Variants in C1QL1 observed in about 807,000 individuals in gnomAD.
C1QL1 encodes C1q-related factor.
A neutral mutation model predicts 14.2 loss-of-function variants in C1QL1; 15 were observed. That is an observed-to-expected ratio of 1.06 (90% CI 0.71 to 1.62). The LOEUF is 1.62. C1QL1 is among the 40% of genes most tolerant of loss of function. The pLI, the probability that C1QL1 is intolerant of heterozygous loss-of-function variation, is 0.00. For synonymous variants in C1QL1, 172 were observed against 172.4 expected, an observed-to-expected ratio of 1.00 and a Z score of 0.02; for missense variants, 346 against 380.3, an observed-to-expected ratio of 0.91 and a Z score of 0.75.
chr17:44,966,384 C>T (rs2052657322), intron 1 of C1QL1, among the ~76,000 whole-genome samples: 1 of 152,218 alleles, frequency 6.6e-6, no homozygotes, highest in Non-Finnish European at 1.5e-5. Context: ...GAGATTCCTT[C>T]TCAACTTCCA....
At chr17:44,964,352 T>C (rs998641681) in intron 1 of C1QL1, among the ~76,000 whole-genome samples, 2 of 152,228 alleles carry the variant, frequency 1.3e-5, no homozygotes, top group African/African-American at 4.8e-5. Context: ...TTTTTTTCTC[T>C]GCTTATTTAA....
intron 1 of C1QL1, among the ~76,000 whole-genome samples, chr17:44,962,796 T>C (rs1463653296): frequency 2.6e-5 from 4 of 152,226 alleles, no homozygotes; most frequent in East Asian, 1.9e-4. Context: ...GCCAAATCCA[T>C]TGGAACAGAG....
In C1QL1 at chr17:44,967,668, C is replaced by CGTAGAA; in HGVS notation, c.380_381insTTCTAC (p.Val127_Pro128insSerThr). ...GGCCGGCGTAGAAGGCCACGCGCGG[C>CGTAGAA]ACCGTGGTGTAGGTGGCAGTGCTGA... On this transcript the variant is annotated inframe_insertion, in exon 1 of 2. Transcript: ENST00000253407. This position sits in a 1 kb window ranked among gnomAD's most constrained non-coding sequence, Gnocchi z 7.0. 2 of 1,613,232 alleles carry CGTAGAA rather than the reference C, an allele frequency of 1.2e-6. No individual in the cohort carries two copies. The highest frequency in any genetic ancestry group is 1.7e-6 in the Non-Finnish European group (2 of 1,179,756).
At position 44,967,397 on chromosome 17, in the gene C1QL1, C is replaced by A; in HGVS notation, c.597+55G>T. ...ACTCCGATCAGGTACCCATTTGCCC[C>A]GGGCTCCCTGGGTGCCCTGGGCCCA... On this transcript the variant is annotated intron_variant, in intron 1 of 1. Transcript: ENST00000253407. The surrounding 1 kb of genome is among the most constrained non-coding windows in gnomAD (Gnocchi z 7.0). 2 of 1,556,478 alleles carry A rather than the reference C, an allele frequency of 1.3e-6. No individual in the cohort carries two copies. The highest frequency in any genetic ancestry group is 1.1e-5 in the South Asian group (1 of 88,360).
chr17:44,960,636 T>C (rs1193702689), intron 1 of C1QL1, among the ~76,000 whole-genome samples: 1 of 152,196 alleles, frequency 6.6e-6, no homozygotes, highest in East Asian at 1.9e-4. Context: ...CCTTAACTCT[T>C]ATAGGGCTTT....
At chr17:44,965,447 C>T (rs571502945) in intron 1 of C1QL1, among the ~76,000 whole-genome samples, 1 of 152,296 alleles carries the variant, frequency 6.6e-6, no homozygotes, top group South Asian at 2.1e-4. Flanking sequence ...CAGGCCCAGC[C>T]TCTCCTGTTT....
chr17:44,960,060 G>C lies in C1QL1; in HGVS notation c.*128C>G, dbSNP rs780709156. The C allele has an allele frequency of 1.1e-5, 9 of 828,836 alleles. No individual in the cohort carries two copies. Among genetic ancestry groups the C allele is most frequent in the Admixed American group, 4.1e-5 (2 of 48,680 alleles). 51.3% of individuals were successfully genotyped at this position (828,836 alleles called of 1,614,324 possible). A position where few individuals can be genotyped will look rare whatever the true frequency, so the allele number is the denominator to read the frequency against. On this transcript the variant is annotated 3_prime_UTR_variant, in exon 2 of 2. Coordinates refer to ENST00000253407, the MANE Select transcript of C1QL1 (RefSeq NM_006688.5). ...CTGTGGCCCAGGCGGTGTTGAGCAC[G>C]GGCCGGGGGCGTCATAGCCGGGGAG...
rs553471144 is a variant in C1QL1, at chr17:44,961,818, G to A, written c.598-1451C>T. 2.7e-5 allele frequency among the ~76,000 whole-genome samples: 4 copies of A among 150,694 alleles called. No homozygotes were observed. In the East Asian group the frequency reaches 5.8e-4, roughly 22 times the overall value. The stretch of plus-strand genomic sequence containing the variant: ...GGAGAATGGCGTGAACCCGGGAAGC[G>A]GAGCTTGCAGTGAGCCGAGATTGCG... On this transcript the variant is annotated intron_variant, in intron 1 of 1. Coordinates refer to ENST00000253407, the MANE Select transcript of C1QL1 (RefSeq NM_006688.5).
chr17:44,967,828 C>T lies in C1QL1; in HGVS notation c.221G>A (p.Arg74His). The change falls in exon 1 of 2, where the codon CGC (arginine) becomes CAC (histidine). Residue 74 changes from arginine to histidine, a missense_variant. Coordinates refer to ENST00000253407, the MANE Select transcript of C1QL1 (RefSeq NM_006688.5). The surrounding 1 kb of genome is among the most constrained non-coding windows in gnomAD (Gnocchi z 7.0). ...LVQGPQGKPG[R>H]TGKPGPPGPP... ...CCCCGGAGGGCCGGGCTTGCCGGTGCGGCCCGGCTTCCCCTGGGGGCCCTG... is the reference window on the plus strand; with the variant it reads ...CCCCGGAGGGCCGGGCTTGCCGGTGTGGCCCGGCTTCCCCTGGGGGCCCTG... 1.4e-6 allele frequency: 2 copies of T among 1,388,388 alleles called. No homozygotes were observed. Among genetic ancestry groups the T allele is most frequent in the Non-Finnish European group, 1.8e-6 (2 of 1,083,894 alleles). The allele number at this position is 1,388,388 out of a possible 1,614,324, so 86.0% of individuals were successfully genotyped here. A position where few individuals can be genotyped will look rare whatever the true frequency, so the allele number is the denominator to read the frequency against.
chr17:44,966,522 G>A (rs1186380120), intron 1 of C1QL1, among the ~76,000 whole-genome samples: 5 of 152,192 alleles, frequency 3.3e-5, no homozygotes, highest in Non-Finnish European at 7.3e-5. Flanking sequence ...AAGAGAGCTG[G>A]CTAAAATTGT....
intron 1 of C1QL1, among the ~76,000 whole-genome samples, chr17:44,966,611 G>T (rs978584935): frequency 5.9e-5 from 9 of 152,100 alleles, no homozygotes; most frequent in African/African-American, 2.2e-4. Flanking sequence ...TGCGAGTCCC[G>T]GTACCAGAGT....
Position 44,967,709 on chromosome 17 carries a change from C to T in C1QL1, c.340G>A (p.Gly114Arg), listed in dbSNP as rs754713536. 2 of 1,610,292 alleles carry T rather than the reference C, an allele frequency of 1.2e-6. No homozygotes were observed. The highest frequency in any genetic ancestry group is 1.7e-5 in the Admixed American group (1 of 59,910). Residue 114 changes from glycine to arginine, a missense_variant, in exon 1 of 2, where the codon GGG becomes AGG. Coordinates refer to ENST00000253407, the MANE Select transcript of C1QL1 (RefSeq NM_006688.5). This position sits in a 1 kb window ranked among gnomAD's most constrained non-coding sequence, Gnocchi z 7.0. ...KPGPPGLPGAGGSGAISTATY... is the reference protein window; with the variant it reads ...KPGPPGLPGARGSGAISTATY... ...GCAGTGCTGATGGCGCCGCTGCCCCCCGCGCCCGGCAGCCCCGGAGGGCCC... is the reference window on the plus strand; with the variant it reads ...GCAGTGCTGATGGCGCCGCTGCCCCTCGCGCCCGGCAGCCCCGGAGGGCCC...
intron 1 of C1QL1, among the ~76,000 whole-genome samples, chr17:44,960,641 G>A (rs930914030): frequency 2.0e-5 from 3 of 152,160 alleles, no homozygotes; most frequent in African/African-American, 7.2e-5. Context: ...ACTCTTATAG[G>A]GCTTTCCCTC....
rs1274802537 is a variant in C1QL1, at chr17:44,967,680, G to A, written c.369C>T (p.Thr123=). ...AGGCCACGCGCGGCACCGTGGTGTA[G>A]GTGGCAGTGCTGATGGCGCCGCTGC... ...AGGSGAISTA[T]YTTVPRVAFY... Residue 123 remains threonine, a synonymous_variant, in exon 1 of 2, where the codon ACC becomes ACT. Coordinates refer to ENST00000253407, the MANE Select transcript of C1QL1 (RefSeq NM_006688.5). This position sits in a 1 kb window ranked among gnomAD's most constrained non-coding sequence, Gnocchi z 7.0. 2.5e-6 allele frequency: 4 copies of A among 1,613,114 alleles called. No individual in the cohort carries two copies. In the South Asian group the frequency reaches 3.3e-5, roughly 13 times the overall value.
chr17:44,963,598 G>T (rs2052640110), intron 1 of C1QL1, among the ~76,000 whole-genome samples: 1 of 151,934 alleles, frequency 6.6e-6, no homozygotes, highest in African/African-American at 2.4e-5. Context: ...ATGTTTTTTT[G>T]TATTTTTAGT....
chr17:44,966,503 GGT>G (rs1007948811), intron 1 of C1QL1, among the ~76,000 whole-genome samples: 2 of 152,226 alleles, frequency 1.3e-5, no homozygotes, highest in Non-Finnish European at 2.9e-5. Context: ...TGGGAAGGGA[GGT>G]GGTATCAAGA....
chr17:44,961,245 C>A (rs1478411334), intron 1 of C1QL1, among the ~76,000 whole-genome samples: 1 of 152,166 alleles, frequency 6.6e-6, no homozygotes, highest in Non-Finnish European at 1.5e-5. Context: ...GGAGCACCAG[C>A]ATTTGGGCTT....
At chr17:44,962,566 GA>G (rs199617700) in intron 1 of C1QL1, among the ~76,000 whole-genome samples, 3 of 150,658 alleles carry the variant, frequency 2.0e-5, no homozygotes, top group Admixed American at 6.6e-5. Context: ...TGATGATAAA[GA>G]AAAAAAAACA....
Position 44,968,122 on chromosome 17 carries a change from C to A in C1QL1, c.-74G>T. 1 of 1,013,772 alleles carries A rather than the reference C, an allele frequency of 9.9e-7. No homozygotes were observed. The highest frequency in any genetic ancestry group is 4.8e-5 in the Admixed American group (1 of 20,948). 62.8% of individuals were successfully genotyped at this position (1,013,772 alleles called of 1,614,324 possible). ...CCTGGGGAGCGCCGGGCCGCCCGGC[C>A]GCGCCGTCGGGGCAATGGTGCCGGC... On this transcript the variant is annotated 5_prime_UTR_variant, in exon 1 of 2. Transcript: ENST00000253407.
Sources: gnomAD v4.1 joint callset for allele counts (sites outside exome capture counted in the v4.1 genomes callset) on GRCh38, gnomAD v4.1.1 for gene constraint, Gnocchi (gnomAD v3.1) non-coding constraint, MANE v1.5 for transcripts, NCBI Gene and HGNC (gene_info 2026-07-23, HGNC 2026-07-21) for gene names.